Variants in UFD1 observed in about 807,000 individuals in gnomAD.
UFD1 encodes the protein ubiquitin recognition factor in ER associated degradation 1.
Under a neutral mutation model 45.9 loss-of-function variants are expected in UFD1, and 13 were observed. The ratio of observed to expected loss-of-function variants is 0.28; its 90% confidence interval spans 0.18 to 0.45. The LOEUF is 0.45. Among genes scored for constraint, UFD1 ranks in the 20% least tolerant of loss-of-function variants. UFD1 has a pLI of 1.00. For missense variants in UFD1, 218 were observed against 389.2 expected (o/e 0.56, Z 3.70); for synonymous variants, 128 against 139.2 (o/e 0.92, Z 0.56).
At chr22:19,474,358 A>G (rs2089866383) in intron 3 of UFD1, among the ~76,000 whole-genome samples, 1 of 152,136 alleles carries the variant, frequency 6.6e-6, no homozygotes, top group South Asian at 2.1e-4. Flanking sequence ...CAGCCTGCCC[A>G]ACATGGCGGA....
chr22:19,478,830 T>G, intron 1 of UFD1: 1 of 531,452 alleles, frequency 1.9e-6, no homozygotes, highest in Non-Finnish European at 3.3e-6. Context: ...CAAACCTTCC[T>G]TTCTTTCGTC....
chr22:19,455,524 G>T (rs1323672393), intron 10 of UFD1, among the ~76,000 whole-genome samples, 156 bp downstream of exon 10: 1 of 151,912 alleles, frequency 6.6e-6, no homozygotes, highest in African/African-American at 2.4e-5. Flanking sequence ...GGGGCATGTT[G>T]TGCTCCACCC....
intron 8 of UFD1, 101 bp from the exon 9 acceptor site, chr22:19,456,735 G>A: frequency 6.2e-7 from 1 of 1,613,308 alleles, no homozygotes; most frequent in Non-Finnish European, 8.5e-7. Context: ...AGCATGGCTG[G>A]AAGGGACGCA....
At chr22:19,469,928 A>T (rs374606860) in intron 4 of UFD1, 2 of 518,322 alleles carry the variant, frequency 3.9e-6, no homozygotes, top group Non-Finnish European at 7.7e-6. Context: ...CCAAACTTCA[A>T]GTCTATGGGT....
At chr22:19,457,703 C>G (rs956454793) in intron 7 of UFD1, among the ~76,000 whole-genome samples, 1 of 151,998 alleles carries the variant, frequency 6.6e-6, no homozygotes, top group Non-Finnish European at 1.5e-5. Context: ...CCCAGCTACT[C>G]GGGAGGCTGA....
intron 1 of UFD1, among the ~76,000 whole-genome samples, 180 bp from the exon 2 acceptor site, chr22:19,475,782 T>C (rs2089877058): frequency 6.6e-6 from 1 of 152,154 alleles, no homozygotes; most frequent in Admixed American, 6.5e-5. Context: ...CTGAACCTTT[T>C]TCAGGGCTAT....
rs779291664 is a variant in UFD1, at chr22:19,456,871, G to A, written c.612C>T (p.Val204=). The A allele has an allele frequency of 9.5e-5, 153 of 1,613,012 alleles. No homozygotes were observed. Among genetic ancestry groups the A allele is most frequent in the Middle Eastern group, 1.6e-4 (1 of 6,084 alleles). Residue 204 remains valine (V), a synonymous_variant, in exon 8 of 12, where the codon GTC becomes GTT. Transcript: ENST00000263202. ...PLGYKEPERQ[V]QHEESTEGEA... Reference sequence around the variant, plus strand: ...CACTTACTGTCGACTCCTCATGCTGGACTTGTCTTTCGGGTTCTTTGTAGC... The same window carrying A: ...CACTTACTGTCGACTCCTCATGCTGAACTTGTCTTTCGGGTTCTTTGTAGC...
intron 6 of UFD1, among the ~76,000 whole-genome samples, chr22:19,463,934 G>A (rs2089784457): frequency 6.6e-6 from 1 of 152,126 alleles, no homozygotes. Flanking sequence ...GGAGTTATAT[G>A]TAGTATTACT....
intron 3 of UFD1, 37 bp downstream of exon 3, chr22:19,475,031 A>C (rs770574531): frequency 6.3e-7 from 1 of 1,597,002 alleles, no homozygotes; most frequent in Non-Finnish European, 8.5e-7. Flanking sequence ...CCATATGTAC[A>C]TTATCTAAGT....
intron 11 of UFD1, chr22:19,454,381 C>CTGAGTT: frequency 2.1e-6 from 2 of 960,588 alleles, no homozygotes; most frequent in African/African-American, 3.5e-5. Context: ...GTAACTGAGT[C>CTGAGTT]GGTGGGAGGT....
rs764224483 is a variant in UFD1 at position 19,479,103 on chromosome 22, A to G, written c.-18T>C. 3.7e-6 allele frequency: 6 copies of G among 1,601,944 alleles called. No individual in the cohort carries two copies. Among genetic ancestry groups the G allele is most frequent in the South Asian group, 3.3e-5 (3 of 90,674 alleles). ...CTTACCATGATGGACACCACCTGGCAGACTCCGCTCCTCTCAGGCAATGCA... is the reference window on the plus strand; with the variant it reads ...CTTACCATGATGGACACCACCTGGCGGACTCCGCTCCTCTCAGGCAATGCA... On this transcript the variant is annotated 5_prime_UTR_variant, in exon 1 of 12. Coordinates refer to ENST00000263202, the MANE Select transcript of UFD1 (RefSeq NM_005659.7).
intron 4 of UFD1, among the ~76,000 whole-genome samples, chr22:19,469,066 C>G (rs974395089): frequency 1.3e-5 from 2 of 152,114 alleles, no homozygotes; most frequent in African/African-American, 4.8e-5. Context: ...CATGCACTCA[C>G]GCTGACAGCT....
intron 7 of UFD1, among the ~76,000 whole-genome samples, 178 bp downstream of exon 7, chr22:19,457,893 G>A (rs2089735362): frequency 6.6e-6 from 1 of 152,092 alleles, no homozygotes. Context: ...GCCCCAACTG[G>A]CCCTGAGATA....
chr22:19,451,374 ATTT>A, intron 11 of UFD1: 1 of 985,108 alleles, frequency 1.0e-6, no homozygotes, highest in Non-Finnish European at 1.2e-6. Flanking sequence ...CACAACTCTG[ATTT>A]TTTTTAGAGC....
chr22:19,473,124 G>A (rs5992402), intron 3 of UFD1, among the ~76,000 whole-genome samples: 5 of 152,248 alleles, frequency 3.3e-5, no homozygotes, highest in African/African-American at 1.2e-4. Flanking sequence ...CCTCTGTCCC[G>A]GTCCACCTCT....
At chr22:19,475,624 A>C in intron 1 of UFD1, 22 bp from the exon 2 acceptor site, 1 of 1,613,878 alleles carries the variant, frequency 6.2e-7, no homozygotes, top group South Asian at 1.1e-5. Flanking sequence ...AAAGAGAAAC[A>C]AGTATTAAAA....
intron 4 of UFD1, 68 bp from the exon 5 acceptor site, chr22:19,468,071 T>A: frequency 6.3e-7 from 1 of 1,585,080 alleles, no homozygotes; most frequent in Non-Finnish European, 8.6e-7. Flanking sequence ...CTGCTCCCTA[T>A]ACACTGGGCA....
At chr22:19,468,144 A>G (rs1302638912) in intron 4 of UFD1, 141 bp from the exon 5 acceptor site, 4 of 1,202,034 alleles carry the variant, frequency 3.3e-6, no homozygotes, top group Non-Finnish European at 4.6e-6. Flanking sequence ...TCGTGATACT[A>G]TGTCAGGAAG....
intron 7 of UFD1, among the ~76,000 whole-genome samples, chr22:19,457,235 G>T (rs2089729872): frequency 6.6e-6 from 1 of 152,136 alleles, no homozygotes; most frequent in Non-Finnish European, 1.5e-5. Context: ...CCACAGTTGA[G>T]ATGTAGAACA....
Sources: allele counts gnomAD v4.1 joint callset (sites outside exome capture counted in the v4.1 genomes callset), GRCh38; gene constraint gnomAD v4.1.1; transcripts MANE v1.5; gene names NCBI Gene and HGNC (gene_info 2026-07-23, HGNC 2026-07-21).